The following CADPS variants were observed in gnomAD, a reference collection of about 807,000 sequenced individuals.
The protein encoded by CADPS is calcium dependent secretion activator.
CADPS carries 57 observed loss-of-function variants against 167.3 expected under a neutral mutation model. The observed-to-expected ratio is 0.34, with a 90% CI of 0.28 to 0.42. CADPS has a LOEUF of 0.42. Among genes scored for constraint, CADPS ranks in the 20% least tolerant of loss-of-function variants. The pLI is 1.00. For missense variants in CADPS, 1,414 were observed against 1,738.1 expected (o/e 0.81, Z 3.32); for synonymous variants, 676 against 635.3 (o/e 1.06, Z -0.96).
chr3:62,536,353 G>A (rs2074686584), intron 12 of CADPS, 92 bp downstream of exon 12: 1 of 1,119,068 alleles, frequency 8.9e-7, no homozygotes, highest in South Asian at 1.5e-5. Context: ...ATTCTGTAAT[G>A]GAGAAAAGAG....
chr3:62,499,335 T>C (rs1480530993), intron 17 of CADPS, 67 bp from the exon 18 acceptor site: 1 of 919,268 alleles, frequency 1.1e-6, no homozygotes. Context: ...CCATTAGAAC[T>C]AGTGGATAAG....
intron 13 of CADPS, among the ~76,000 whole-genome samples, chr3:62,525,633 A>G (rs768603349): frequency 1.3e-5 from 2 of 151,508 alleles, no homozygotes; most frequent in African/African-American, 4.9e-5. Context: ...TTTGCCCTTT[A>G]TCTTTGTGGG....
intron 1 of CADPS, among the ~76,000 whole-genome samples, chr3:62,797,885 G>T (rs1002899947): frequency 6.6e-6 from 1 of 152,036 alleles, no homozygotes; most frequent in African/African-American, 2.4e-5. Flanking sequence ...AATCTTTTGA[G>T]ACTGAAAAAT....
At position 62,781,188 on chromosome 3, in the gene CADPS, T is replaced by G. The variant is rs531703013; in HGVS notation, c.442-15204A>C. On this transcript the variant is annotated intron_variant, in intron 1 of 29. Transcript: ENST00000383710. ...ACATAAAACATAACCAGGAGACTTG[T>G]CCTAGGGCAGACTCCACAATCTCTC... is the stretch of plus-strand genomic sequence containing the variant. 2.2e-4 allele frequency among the ~76,000 whole-genome samples: 33 copies of G among 152,254 alleles called. No individual in the cohort carries two copies. In the South Asian group the frequency reaches 6.6e-3, roughly 31 times the overall value.
chr3:62,870,784 G>A (rs148856514), intron 1 of CADPS, among the ~76,000 whole-genome samples: 1 of 152,080 alleles, frequency 6.6e-6, no homozygotes, highest in African/African-American at 2.4e-5. Flanking sequence ...ATTGCTAACA[G>A]TGCCTGCTTT....
In CADPS at chr3:62,874,549, C is replaced by T. The variant is rs771938736; in HGVS notation, c.441+40G>A. 19 of 1,474,040 alleles carry T rather than the reference C, an allele frequency of 1.3e-5. No individual in the cohort carries two copies. The East Asian group carries it at 3.6e-4, about 28-fold the overall frequency. The allele number at this position is 1,474,040 out of a possible 1,614,324, so 91.3% of individuals were successfully genotyped here. On this transcript the variant is annotated intron_variant, in intron 1 of 29. Coordinates refer to ENST00000383710, the MANE Select transcript of CADPS (RefSeq NM_003716.4). The surrounding 1 kb of genome is among the most constrained non-coding windows in gnomAD (Gnocchi z 7.1). ...ATTGTTCACCCCGCCCGCCTGGCGA[C>T]GTCCGGGTGCTGCTCCCTGGGCCTC... is the stretch of plus-strand genomic sequence containing the variant.
chr3:62,858,786 A>C (rs1220524618), intron 1 of CADPS, among the ~76,000 whole-genome samples: 1 of 152,170 alleles, frequency 6.6e-6, no homozygotes, highest in East Asian at 1.9e-4. Flanking sequence ...GTAAATTCTC[A>C]TCCAACGTAA....
intron 1 of CADPS, among the ~76,000 whole-genome samples, chr3:62,772,125 G>A (rs2089001827): frequency 6.6e-6 from 1 of 151,982 alleles, no homozygotes; most frequent in African/African-American, 2.4e-5. Flanking sequence ...CATAGTATCT[G>A]GCATAGAGTA....
chr3:62,603,696 A>G (rs546188185), intron 6 of CADPS, among the ~76,000 whole-genome samples: 2 of 152,076 alleles, frequency 1.3e-5, no homozygotes, highest in Non-Finnish European at 2.9e-5. Context: ...CTTTGCTTAT[A>G]TTACCCACCT....
At chr3:62,597,490 G>A (rs1278263942) in intron 6 of CADPS, among the ~76,000 whole-genome samples, 2 of 152,206 alleles carry the variant, frequency 1.3e-5, no homozygotes. Flanking sequence ...AAGAGAACTT[G>A]AGCCCAGTGT....
chr3:62,634,532 T>C (rs771920923), intron 6 of CADPS, among the ~76,000 whole-genome samples: 12 of 152,218 alleles, frequency 7.9e-5, no homozygotes, highest in Non-Finnish European at 1.3e-4. Flanking sequence ...CAGAATGATA[T>C]GCATTGCTTG....
In CADPS at chr3:62,688,148, C is replaced by T. The variant is rs543396375; in HGVS notation, c.889-25754G>A. Among the ~76,000 whole-genome samples the T allele has an allele frequency of 3.4e-4, 51 of 152,116 alleles. No individual in the cohort carries two copies. In the Middle Eastern group the frequency reaches 0.027, roughly 81 times the overall value. Reference sequence around the variant, plus strand: ...TACTAGCATTTTGGAATGAATAGTTCTGCGTTGCAGGGCCTGTCCTATTCA... The same window carrying T: ...TACTAGCATTTTGGAATGAATAGTTTTGCGTTGCAGGGCCTGTCCTATTCA... On this transcript the variant is annotated intron_variant, in intron 3 of 29. Transcript: ENST00000383710.
intron 6 of CADPS, chr3:62,626,316 C>A: frequency 2.2e-6 from 1 of 451,372 alleles, no homozygotes; most frequent in Non-Finnish European, 3.9e-6. Flanking sequence ...CTTTCTCATT[C>A]ACGTCACTTT....
chr3:62,560,807 G>A (rs185527509), intron 9 of CADPS, among the ~76,000 whole-genome samples: 84 of 152,212 alleles, frequency 5.5e-4, no homozygotes, highest in African/African-American at 1.9e-3. Context: ...TGGGCTGGGC[G>A]CAGTGGCTTA....
At chr3:62,638,502 C>T (rs2066779748) in intron 6 of CADPS, among the ~76,000 whole-genome samples, 1 of 151,982 alleles carries the variant, frequency 6.6e-6, no homozygotes, top group Non-Finnish European at 1.5e-5. Flanking sequence ...TCTTCTCTGG[C>T]AAGGTAATAG....
chr3:62,766,476 A>G (rs2086897167), intron 1 of CADPS, among the ~76,000 whole-genome samples: 1 of 152,180 alleles, frequency 6.6e-6, no homozygotes, highest in South Asian at 2.1e-4. Context: ...GTTGTTAAAC[A>G]TGTAACAGCA....
chr3:62,474,153 A>ATTTTTTTTTTGT lies in CADPS; in HGVS notation c.3477+19_3477+20insACAAAAAAAAAA. On this transcript the variant is annotated intron_variant, in intron 24 of 29. Transcript: ENST00000383710. The stretch of plus-strand genomic sequence containing the variant: ...AATGAAGAGGGAAAAAAAAATCTGT[A>ATTTTTTTTTTGT]TTTTTTTTTTTTTTTTTACCTCTTG... 1.4e-6 allele frequency: 1 copy of ATTTTTTTTTTGT among 735,996 alleles called. No individual in the cohort carries two copies. Among genetic ancestry groups the ATTTTTTTTTTGT allele is most frequent in the South Asian group, 2.8e-5 (1 of 35,430 alleles). The allele number at this position is 735,996 out of a possible 1,614,324, so 45.6% of individuals were successfully genotyped here.
intron 1 of CADPS, among the ~76,000 whole-genome samples, chr3:62,823,553 C>A (rs1366502474): frequency 1.3e-5 from 2 of 152,138 alleles, no homozygotes; most frequent in South Asian, 2.1e-4. Flanking sequence ...CTGTAGCTAA[C>A]AGCAGACTTC....
intron 29 of CADPS, among the ~76,000 whole-genome samples, chr3:62,400,625 C>T (rs1431428898): frequency 2.3e-5 from 3 of 130,396 alleles, no homozygotes; most frequent in Non-Finnish European, 4.7e-5. Context: ...TTCAAGATGG[C>T]ATCTTGCTCT....
Sources: allele counts gnomAD v4.1 joint callset (sites outside exome capture counted in the v4.1 genomes callset), GRCh38; gene constraint gnomAD v4.1.1; non-coding constraint Gnocchi (gnomAD v3.1); transcripts MANE v1.5; gene names NCBI Gene and HGNC (gene_info 2026-07-23, HGNC 2026-07-21).